Variants in RAPGEF2 observed in about 807,000 individuals in gnomAD.
RAPGEF2 encodes the protein PDZ domain containing guanine nucleotide exchange factor (GEF) 1.
Under a neutral mutation model 186.7 loss-of-function variants are expected in RAPGEF2, and 54 were observed. That is an observed-to-expected ratio of 0.29 (90% CI 0.23 to 0.36). RAPGEF2 has a LOEUF of 0.36. RAPGEF2 is among the 10% of genes least tolerant of loss of function. RAPGEF2 has a pLI of 1.00. For synonymous variants in RAPGEF2, 712 were observed against 705.9 expected (o/e 1.01, Z -0.14); for missense variants, 1,532 against 2,045.0 (o/e 0.75, Z 4.84).
chr4:159,285,925 A>G (rs1159001095), intron 7 of RAPGEF2, among the ~76,000 whole-genome samples: 1 of 152,150 alleles, frequency 6.6e-6, no homozygotes, highest in Non-Finnish European at 1.5e-5. Context: ...ATAATTTTAA[A>G]AATTAAGACT....
intron 7 of RAPGEF2, chr4:159,267,104 G>C: frequency 3.4e-6 from 4 of 1,189,286 alleles, no homozygotes; most frequent in Non-Finnish European, 3.3e-6. Flanking sequence ...GGGTGAGAGA[G>C]AAATCCACTT....
chr4:159,104,906 T>C (rs1172312885), intron 1 of RAPGEF2, among the ~76,000 whole-genome samples: 5 of 152,248 alleles, frequency 3.3e-5, no homozygotes, highest in Non-Finnish European at 1.5e-5. Flanking sequence ...TTAGTGCTTT[T>C]AGTTTAAATT....
rs1753599379 is a variant in RAPGEF2, at chr4:159,238,758, ACTT to A, written c.282-50_282-48del. On this transcript the variant is annotated intron_variant, in intron 4 of 29. Coordinates refer to ENST00000691494, the MANE Select transcript of RAPGEF2 (RefSeq NM_001394067.2). ...TTGGCTTATGTTCACAAATCATACT[ACTT>A]AAATCTCTGAGGTTCTCCTCATTGA... 7 of 1,370,272 alleles carry A rather than the reference ACTT, an allele frequency of 5.1e-6. No individual in the cohort carries two copies. In the South Asian group the frequency reaches 8.2e-5, roughly 16 times the overall value. 84.9% of individuals were successfully genotyped at this position (1,370,272 alleles called of 1,614,324 possible). A position where few individuals can be genotyped will look rare whatever the true frequency, so the allele number is the denominator to read the frequency against.
chr4:159,221,744 A>G (rs1751559689), intron 4 of RAPGEF2, among the ~76,000 whole-genome samples: 1 of 152,078 alleles, frequency 6.6e-6, no homozygotes, highest in Non-Finnish European at 1.5e-5. Context: ...TGTAATTCCT[A>G]TTTGTCCTAC....
chr4:159,134,714 A>G (rs1405124547), intron 1 of RAPGEF2, among the ~76,000 whole-genome samples: 1 of 152,230 alleles, frequency 6.6e-6, no homozygotes, highest in Non-Finnish European at 1.5e-5. Flanking sequence ...AAACAACTTT[A>G]TTGAGATATA....
intron 19 of RAPGEF2, among the ~76,000 whole-genome samples, chr4:159,340,907 A>G (rs764255643): frequency 2.0e-5 from 3 of 152,364 alleles, no homozygotes; most frequent in Non-Finnish European, 1.5e-5. Flanking sequence ...TGGCACCGGC[A>G]TTAACTAGTC....
chr4:159,113,977 A>C (rs1000071328), intron 1 of RAPGEF2, among the ~76,000 whole-genome samples: 4 of 151,594 alleles, frequency 2.6e-5, no homozygotes, highest in Non-Finnish European at 5.9e-5. Context: ...TTATTTTTGC[A>C]ACAGGATCTC....
intron 17 of RAPGEF2, among the ~76,000 whole-genome samples, chr4:159,337,889 C>CAAAAAAAAAAAAAAAAAA (rs553291521): frequency 5.5e-4 from 18 of 32,568 alleles, no homozygotes; most frequent in Admixed American, 1.3e-3. Context: ...GACTCCATCT[C>CAAAAAAAAAAAAAAAAAA]AAAAAAAAAA....
At chr4:159,147,442 G>C (rs1743068038) in intron 1 of RAPGEF2, among the ~76,000 whole-genome samples, 1 of 151,922 alleles carries the variant, frequency 6.6e-6, no homozygotes, top group South Asian at 2.1e-4. Context: ...TTTTCCTAGG[G>C]CTTTGAGGAG....
At position 159,352,776 on chromosome 4, in the gene RAPGEF2, G is replaced by A. The variant is rs558763265; in HGVS notation, c.3957G>A (p.Ser1319=). The A allele has an allele frequency of 1.8e-4, 293 of 1,614,138 alleles. 2 individuals are homozygous for A. In the South Asian group the frequency reaches 2.8e-3, roughly 16 times the overall value. The change falls in exon 27 of 30, where the codon TCG becomes TCA. Residue 1319 remains serine (S), a synonymous_variant. Coordinates refer to ENST00000691494, the MANE Select transcript of RAPGEF2 (RefSeq NM_001394067.2). The part of the protein sequence containing the change: ...ISSRSSIVSN[S]SFDSVPVSLH... ...CACGATCCAGTATTGTTAGCAATTC[G>A]TCTTTTGACTCAGTGCCAGTCTCAC...
intron 1 of RAPGEF2, among the ~76,000 whole-genome samples, chr4:159,154,408 G>A (rs1376037667): frequency 6.6e-6 from 1 of 151,670 alleles, no homozygotes; most frequent in Non-Finnish European, 1.5e-5. Flanking sequence ...CACTCATAAA[G>A]TCTTTGTGTA....
chr4:159,119,964 ATTT>A (rs1212893399), intron 1 of RAPGEF2, among the ~76,000 whole-genome samples: 2 of 152,008 alleles, frequency 1.3e-5, no homozygotes, highest in East Asian at 3.9e-4. Flanking sequence ...ATACTTTGTC[ATTT>A]TTTTAGGACT....
intron 1 of RAPGEF2, among the ~76,000 whole-genome samples, chr4:159,151,500 G>A (rs1352633952): frequency 6.6e-6 from 1 of 152,182 alleles, no homozygotes; most frequent in African/African-American, 2.4e-5. Context: ...TAAAAATACC[G>A]TATTAAGGGC....
At chr4:159,107,379 TG>T (rs1392804947) in intron 1 of RAPGEF2, among the ~76,000 whole-genome samples, 2 of 152,186 alleles carry the variant, frequency 1.3e-5, no homozygotes, top group East Asian at 3.8e-4. Flanking sequence ...TACAATAAAA[TG>T]GTTTTTCTAA....
chr4:159,284,301 T>TG (rs1760136145), intron 7 of RAPGEF2, among the ~76,000 whole-genome samples: 1 of 152,184 alleles, frequency 6.6e-6, no homozygotes, highest in African/African-American at 2.4e-5. Flanking sequence ...AGTATTTTCT[T>TG]GCCTCAGCCT....
At chr4:159,220,918 GA>G (rs1469959563) in intron 4 of RAPGEF2, among the ~76,000 whole-genome samples, 1 of 152,086 alleles carries the variant, frequency 6.6e-6, no homozygotes, top group East Asian at 1.9e-4. Context: ...TTCCCTTTTA[GA>G]AATAACTTTT....
Position 159,339,120 on chromosome 4 carries a change from C to G in RAPGEF2, c.2300C>G (p.Pro767Arg). Reference protein sequence around the residue: ...ILDFSATPDLPDQVLRVFKAD... With the variant: ...ILDFSATPDLRDQVLRVFKAD... ...TGATTTTTCTTTCCCCCAGACTTGC[C>G]AGATCAAGTGCTAAGGGTTTTTAAG... The change falls in exon 19 of 30, where the codon CCA becomes CGA. Residue 767 changes from proline to arginine, a missense_variant. By Grantham distance (103) the Pro-to-Arg change is moderately radical (BLOSUM62 -2). Transcript: ENST00000691494. 6.2e-7 allele frequency: 1 copy of G among 1,612,582 alleles called. No individual in the cohort carries two copies. Among genetic ancestry groups the G allele is most frequent in the Non-Finnish European group, 8.5e-7 (1 of 1,178,860 alleles).
intron 7 of RAPGEF2, among the ~76,000 whole-genome samples, chr4:159,303,065 G>A (rs761884345): frequency 2.6e-5 from 4 of 152,116 alleles, no homozygotes; most frequent in Non-Finnish European, 5.9e-5. Context: ...TAAACAGATT[G>A]TATGTAAATA....
intron 7 of RAPGEF2, among the ~76,000 whole-genome samples, chr4:159,302,463 G>A (rs1440721713): frequency 6.6e-6 from 1 of 152,052 alleles, no homozygotes; most frequent in Non-Finnish European, 1.5e-5. Context: ...ACATCTCTAA[G>A]CCATAGAGTA....
Sources: allele counts gnomAD v4.1 joint callset (sites outside exome capture counted in the v4.1 genomes callset), GRCh38; gene constraint gnomAD v4.1.1; transcripts MANE v1.5; gene names NCBI Gene and HGNC (gene_info 2026-07-23, HGNC 2026-07-21).